Variants in NRG3 observed in about 807,000 individuals in gnomAD.
NRG3 encodes the protein neuregulin 3.
Under a neutral mutation model 66.9 loss-of-function variants are expected in NRG3, and 31 were observed. The observed-to-expected ratio is 0.46, with a 90% CI of 0.35 to 0.63. The LOEUF (loss-of-function observed/expected upper bound fraction) is 0.63, where lower values mean the gene tolerates loss of function less well. Ranked by LOEUF, NRG3 falls within the 20% of genes least tolerant of loss-of-function variation. NRG3 has a pLI of 0.00. For missense variants in NRG3, 910 were observed against 878.9 expected (o/e 1.04, Z -0.45); for synonymous variants, 393 against 359.4 (o/e 1.09, Z -1.06).
At chr10:82,133,973 G>A (rs964169537) in intron 1 of NRG3, among the ~76,000 whole-genome samples, 5 of 152,082 alleles carry the variant, frequency 3.3e-5, no homozygotes, top group African/African-American at 1.2e-4. Flanking sequence ...GGTGTGGGAT[G>A]GTATCTCATT....
At chr10:82,007,772 A>T (rs947019926) in intron 1 of NRG3, among the ~76,000 whole-genome samples, 1 of 152,176 alleles carries the variant, frequency 6.6e-6, no homozygotes, top group Non-Finnish European at 1.5e-5. Context: ...TAGCAACCTC[A>T]TGGGCCTATT....
At chr10:82,513,048 C>T (rs1845339333) in intron 2 of NRG3, among the ~76,000 whole-genome samples, 1 of 152,138 alleles carries the variant, frequency 6.6e-6, no homozygotes, top group African/African-American at 2.4e-5. Context: ...CACCTATCAA[C>T]CGGTCACCTA....
intron 3 of NRG3, among the ~76,000 whole-genome samples, chr10:82,757,629 G>A (rs891174185): frequency 9.9e-5 from 15 of 152,042 alleles, no homozygotes; most frequent in African/African-American, 3.6e-4. Flanking sequence ...AGAGGAATGT[G>A]ATCATATCAT....
intron 2 of NRG3, among the ~76,000 whole-genome samples, chr10:82,734,649 C>G (rs549078765): frequency 1.3e-5 from 2 of 152,192 alleles, no homozygotes; most frequent in Admixed American, 6.5e-5. Context: ...TGCACATGGT[C>G]TCCTCAACTA....
chr10:82,229,629 G>C (rs1204027631), intron 1 of NRG3, among the ~76,000 whole-genome samples: 2 of 152,144 alleles, frequency 1.3e-5, no homozygotes, highest in African/African-American at 4.8e-5. Context: ...TTCTTCACAT[G>C]GCAGCAGGAG....
intron 3 of NRG3, among the ~76,000 whole-genome samples, chr10:82,779,078 T>G (rs2060018771): frequency 6.6e-6 from 1 of 151,978 alleles, no homozygotes; most frequent in Admixed American, 6.6e-5. Flanking sequence ...TATCAAGGGC[T>G]CCGGTTTCAA....
rs370341399 is a variant in NRG3 at position 82,562,205 on chromosome 10, A to C, written c.954-176372A>C. On this transcript the variant is annotated intron_variant, in intron 2 of 8. Transcript: ENST00000372141. ...AATCAATAAATGATATTCAATCAAC[A>C]ATCACCATCATCTTCGTCTTCATCA... is the stretch of plus-strand genomic sequence containing the variant. Among the ~76,000 whole-genome samples, 9 of 152,258 alleles carry C rather than the reference A, an allele frequency of 5.9e-5. No homozygotes were observed. The East Asian group carries it at 9.7e-4, about 16-fold the overall frequency.
At chr10:82,257,083 A>G (rs1362815931) in intron 1 of NRG3, among the ~76,000 whole-genome samples, 1 of 152,226 alleles carries the variant, frequency 6.6e-6, no homozygotes, top group African/African-American at 2.4e-5. Context: ...ACCTGATTGC[A>G]AGATAGTCTT....
chr10:82,880,111 A>G (rs192955322), intron 4 of NRG3, among the ~76,000 whole-genome samples: 1 of 152,222 alleles, frequency 6.6e-6, no homozygotes, highest in East Asian at 1.9e-4. Context: ...GTTCACTATT[A>G]TATAAGTTAT....
At chr10:82,105,358 T>G (rs982303295) in intron 1 of NRG3, among the ~76,000 whole-genome samples, 1 of 152,176 alleles carries the variant, frequency 6.6e-6, no homozygotes, top group Non-Finnish European at 1.5e-5. Flanking sequence ...GAATAGGGTT[T>G]GTTCGCTAGC....
chr10:82,966,477 C>T (rs769213448), intron 6 of NRG3, among the ~76,000 whole-genome samples: 1 of 152,196 alleles, frequency 6.6e-6, no homozygotes, highest in South Asian at 2.1e-4. Context: ...TCAAGATACA[C>T]GCTACAATAT....
intron 1 of NRG3, among the ~76,000 whole-genome samples, chr10:82,246,979 A>G: frequency 6.6e-6 from 1 of 152,210 alleles, no homozygotes; most frequent in East Asian, 1.9e-4. Flanking sequence ...GCCGTAAGCT[A>G]TAAAGGACTA....
chr10:82,244,600 A>G (rs1438478748), intron 1 of NRG3, among the ~76,000 whole-genome samples: 4 of 152,154 alleles, frequency 2.6e-5, no homozygotes, highest in African/African-American at 7.2e-5. Flanking sequence ...ATTAGTATGT[A>G]TAATGATGTA....
At chr10:82,859,748 G>A (rs916446970) in intron 3 of NRG3, among the ~76,000 whole-genome samples, 1 of 152,134 alleles carries the variant, frequency 6.6e-6, no homozygotes, top group African/African-American at 2.4e-5. Context: ...CATTTTAAAT[G>A]TTCTCACCGC....
intron 2 of NRG3, among the ~76,000 whole-genome samples, chr10:82,450,098 C>G (rs912130463): frequency 4.6e-5 from 7 of 152,180 alleles, no homozygotes; most frequent in African/African-American, 1.7e-4. Flanking sequence ...TTTTATACAT[C>G]AAGTTCAACA....
chr10:82,249,784 A>G (rs955085875), intron 1 of NRG3, among the ~76,000 whole-genome samples: 2 of 152,304 alleles, frequency 1.3e-5, no homozygotes, highest in South Asian at 4.1e-4. Context: ...TTTGCAATAC[A>G]TTCTTTCGTC....
At chr10:81,906,484 T>C (rs973839267) in intron 1 of NRG3, among the ~76,000 whole-genome samples, 1 of 152,160 alleles carries the variant, frequency 6.6e-6, no homozygotes, top group Admixed American at 6.5e-5. Context: ...AGAAACTATC[T>C]GCAGGGCATG....
chr10:82,899,036 G>A (rs1024854875), intron 4 of NRG3, among the ~76,000 whole-genome samples: 16 of 151,992 alleles, frequency 1.1e-4, no homozygotes, highest in African/African-American at 3.4e-4. Flanking sequence ...TTGGTTACAC[G>A]CAGTGAATTA....
chr10:82,598,157 T>A (rs2047398777), intron 2 of NRG3, among the ~76,000 whole-genome samples: 4 of 152,306 alleles, frequency 2.6e-5, no homozygotes, highest in African/African-American at 2.4e-5. Context: ...TTTAAAAAAA[T>A]TTTACTCAAA....
Sources: allele counts gnomAD v4.1 joint callset (sites outside exome capture counted in the v4.1 genomes callset), GRCh38; gene constraint gnomAD v4.1.1; transcripts MANE v1.5; gene names NCBI Gene and HGNC (gene_info 2026-07-23, HGNC 2026-07-21).